SGO1: variants seen among roughly 807,000 people sequenced by gnomAD.
SGO1 encodes the protein shugoshin 1, also known as serologically defined breast cancer antigen NY-BR-85.
SGO1 carries 39 observed loss-of-function variants against 50.5 expected under a neutral mutation model. The ratio of observed to expected loss-of-function variants is 0.77; its 90% CI spans 0.60 to 1.01. The LOEUF (loss-of-function observed/expected upper bound fraction) is 1.01, where lower values mean the gene tolerates loss of function less well. SGO1 is among the 50% of genes least tolerant of loss of function. The probability of loss-of-function intolerance (pLI) is 0.00; values close to 1 mark genes in which losing one functional copy is unlikely to be tolerated. For synonymous variants in SGO1, 191 were observed against 205.1 expected (o/e 0.93, Z 0.59); for missense variants, 638 against 606.0 (o/e 1.05, Z -0.55).
chr3:20,172,809 A>T (rs989729109), intron 6 of SGO1, among the ~76,000 whole-genome samples: 1 of 150,874 alleles, frequency 6.6e-6, no homozygotes, highest in African/African-American at 2.4e-5. Flanking sequence ...AAAAAAAAAA[A>T]AAAAAAATTA....
chr3:20,175,081 A>C (rs1250792253), intron 5 of SGO1, 26 bp from the exon 6 acceptor site: 12 of 1,381,248 alleles, frequency 8.7e-6, no homozygotes, highest in African/African-American at 1.5e-5. Context: ...ATAAATGAGA[A>C]AAGTAGTTTT....
rs529100077 is a variant in SGO1, at chr3:20,170,459, G to A, written c.*245C>T. 1.7e-4 allele frequency: 181 copies of A among 1,047,734 alleles called. No homozygotes were observed. The African/African-American group carries it at 2.6e-3, about 15-fold the overall frequency. 64.9% of individuals were successfully genotyped at this position (1,047,734 alleles called of 1,614,324 possible). ...AGAGGTTTAGGCAGCATAAGAAATC[G>A]ATATGATGATAATGCTTAAGCTCAG... On this transcript the variant is annotated 3_prime_UTR_variant, in exon 8 of 8. Transcript: ENST00000412997.
At chr3:20,179,232 A>G (rs1389547627) in intron 3 of SGO1, among the ~76,000 whole-genome samples, 5 of 152,186 alleles carry the variant, frequency 3.3e-5, no homozygotes, top group African/African-American at 1.2e-4. Context: ...GGGGGAGACA[A>G]GGGGAAGTTG....
rs1575274158 is a variant in SGO1 at position 20,186,169 on chromosome 3, A to G, written c.-229T>C. The G allele has an allele frequency of 6.6e-6, 1 of 152,230 alleles. No homozygotes were observed. Among genetic ancestry groups the G allele is most frequent in the South Asian group, 2.1e-4 (1 of 4,826 alleles). 9.4% of individuals were successfully genotyped at this position (152,230 alleles called of 1,614,324 possible). On this transcript the variant is annotated 5_prime_UTR_variant, in exon 1 of 8. Coordinates refer to ENST00000412997, the MANE Select transcript of SGO1 (RefSeq NM_001199251.3). ...GCACTGGGCCCTCCAGGACCGTACC[A>G]CCGTCCGCCGTCGCCTGGAACTACC...
chr3:20,180,248 T>C (rs571458639), intron 3 of SGO1, among the ~76,000 whole-genome samples: 189 of 152,234 alleles, frequency 1.2e-3, no homozygotes, highest in African/African-American at 4.2e-3. Context: ...GATATGCCAC[T>C]GCACTTCAGT....
intron 3 of SGO1, among the ~76,000 whole-genome samples, chr3:20,179,573 T>C (rs550073017): frequency 2.6e-5 from 4 of 152,180 alleles, no homozygotes; most frequent in African/African-American, 9.6e-5. Context: ...TACAGGTGCA[T>C]GCCACCACAA....
Position 20,170,291 on chromosome 3 carries a change from G to A in SGO1, c.*413C>T, listed in dbSNP as rs943330001. 4 of 466,924 alleles carry A rather than the reference G, an allele frequency of 8.6e-6. No homozygotes were observed. The highest frequency in any genetic ancestry group is 9.3e-5 in the South Asian group (1 of 10,780). The allele number at this position is 466,924 out of a possible 1,614,324, so 28.9% of individuals were successfully genotyped here. A position where few individuals can be genotyped will look rare whatever the true frequency, so the allele number is the denominator to read the frequency against. ...CACATGCCTGTAGTCCCAGCTACTC[G>A]GGAGTCTGAGGCAGGAGAATCGCTT... On this transcript the variant is annotated 3_prime_UTR_variant, in exon 8 of 8. Transcript: ENST00000412997.
At chr3:20,184,320 T>C (rs1702375086) in intron 1 of SGO1, among the ~76,000 whole-genome samples, 1 of 152,222 alleles carries the variant, frequency 6.6e-6, no homozygotes, top group Non-Finnish European at 1.5e-5. Flanking sequence ...TAACAAATAC[T>C]CACTGTGGGG....
intron 8 of SGO1, among the ~76,000 whole-genome samples, chr3:20,163,039 G>A (rs1176407862): frequency 6.6e-6 from 1 of 151,948 alleles, no homozygotes; most frequent in Non-Finnish European, 1.5e-5. Flanking sequence ...AATAAGAGAA[G>A]TCTTAATTCA....
chr3:20,170,671 T>C lies in SGO1; in HGVS notation c.*33A>G, dbSNP rs1700618771. ...TCTCCTGAAGCAACAGAAAGAGGTG[T>C]AGATTGAATTTAAACAATATCCAAC... On this transcript the variant is annotated 3_prime_UTR_variant, in exon 8 of 8. Coordinates refer to ENST00000412997, the MANE Select transcript of SGO1 (RefSeq NM_001199251.3). 7.1e-6 allele frequency: 11 copies of C among 1,540,880 alleles called. No homozygotes were observed. The highest frequency in any genetic ancestry group is 1.4e-5 in the African/African-American group (1 of 71,354).
chr3:20,171,166 T>C lies in SGO1; in HGVS notation c.1349A>G (p.Tyr450Cys). Residue 450 changes from tyrosine (Y) to cysteine (C), a missense_variant, in exon 7 of 8, where the codon TAT (tyrosine) becomes TGT (cysteine). By Grantham distance (194) the Tyr-to-Cys change is radical. Coordinates refer to ENST00000412997, the MANE Select transcript of SGO1 (RefSeq NM_001199251.3). ...AAGTCTTCTGATTTTCACAACAGGA[T>C]ACAAGGAGACATTGGTGATATCCTT... ...SLKDITNVSL[Y>C]PVVKIRRLSL... is the part of the protein sequence containing the mutation. The C allele has an allele frequency of 6.2e-7, 1 of 1,613,092 alleles. No individual in the cohort carries two copies. Among genetic ancestry groups the C allele is most frequent in the Non-Finnish European group, 8.5e-7 (1 of 1,179,720 alleles).
At chr3:20,162,468 TAACA>T (rs1700086907) in intron 8 of SGO1, among the ~76,000 whole-genome samples, 2 of 152,168 alleles carry the variant, frequency 1.3e-5, no homozygotes, top group Admixed American at 6.5e-5. Flanking sequence ...AGCTGATCTC[TAACA>T]AACTTAATTG....
At chr3:20,175,895 C>A (rs537202017) in intron 5 of SGO1, among the ~76,000 whole-genome samples, 1 of 152,046 alleles carries the variant, frequency 6.6e-6, no homozygotes, top group African/African-American at 2.4e-5. Flanking sequence ...GAAGTAGAAC[C>A]GCATATTCCA....
intron 4 of SGO1, among the ~76,000 whole-genome samples, chr3:20,176,949 A>G (rs936193414): frequency 6.6e-6 from 1 of 152,214 alleles, no homozygotes; most frequent in Non-Finnish European, 1.5e-5. Context: ...GAAACAGCCC[A>G]TGAGAATTAA....
intron 4 of SGO1, 35 bp from the exon 5 acceptor site, chr3:20,176,694 A>G: frequency 7.4e-7 from 1 of 1,352,678 alleles, no homozygotes; most frequent in South Asian, 1.3e-5. Context: ...GAAATTTAAC[A>G]ATTATGTAAT....
intron 1 of SGO1, among the ~76,000 whole-genome samples, chr3:20,184,357 T>A (rs2125399421): frequency 6.6e-6 from 1 of 152,316 alleles, no homozygotes; most frequent in Admixed American, 6.5e-5. Context: ...TTGAAAATGC[T>A]TATTATTATA....
downstream of SGO1, among the ~76,000 whole-genome samples, chr3:20,164,696 C>T (rs186187648): frequency 1.1e-4 from 16 of 152,138 alleles, no homozygotes; most frequent in East Asian, 2.7e-3. Flanking sequence ...AACTGCAAAA[C>T]ATGGTAGTAG....
At chr3:20,177,165 C>A (rs1217263112) in intron 4 of SGO1, 1 of 152,224 alleles carries the variant, frequency 6.6e-6, no homozygotes, top group Non-Finnish European at 1.5e-5. Context: ...TACTCTAACA[C>A]TATTACTGGC....
downstream of SGO1, among the ~76,000 whole-genome samples, chr3:20,165,592 T>C (rs370279639): frequency 6.6e-6 from 1 of 152,114 alleles, no homozygotes; most frequent in Non-Finnish European, 1.5e-5. Flanking sequence ...CATAGAAAGA[T>C]AAGATGGTTT....
Sources: allele counts gnomAD v4.1 joint callset (sites outside exome capture counted in the v4.1 genomes callset), GRCh38; gene constraint gnomAD v4.1.1; transcripts MANE v1.5; gene names NCBI Gene and HGNC (gene_info 2026-07-23, HGNC 2026-07-21).